The following SERGEF variants were observed in gnomAD, a reference collection of about 807,000 sequenced individuals.
SERGEF encodes the protein secretion regulating guanine nucleotide exchange factor.
In SERGEF, 51 loss-of-function variants were observed where a neutral mutation model predicts 50.0. That is an observed-to-expected ratio of 1.02 (90% CI 0.81 to 1.29). The LOEUF is 1.29. Among genes scored for constraint, SERGEF ranks in the 50% most tolerant of loss-of-function variants. SERGEF has a pLI of 0.00. For missense variants in SERGEF, 521 were observed against 557.0 expected (o/e 0.94, Z 0.65); for synonymous variants, 205 against 212.4 (o/e 0.97, Z 0.30).
chr11:17,788,053 G>C lies in SERGEF; in HGVS notation c.*32C>G. The C allele has an allele frequency of 6.8e-7, 1 of 1,465,852 alleles. No homozygotes were observed. The highest frequency in any genetic ancestry group is 1.8e-4 in the Middle Eastern group (1 of 5,468). The allele number at this position is 1,465,852 out of a possible 1,614,324, so 90.8% of individuals were successfully genotyped here. ...AAACAATTCTCTGGGAAGGCTTTTG[G>C]TGGGAAAAGCCACTTTATTAAAGAT... On this transcript the variant is annotated 3_prime_UTR_variant, in exon 11 of 11. Transcript: ENST00000265965.
At chr11:17,943,013 G>C (rs1299982048) in intron 9 of SERGEF, among the ~76,000 whole-genome samples, 1 of 151,978 alleles carries the variant, frequency 6.6e-6, no homozygotes, top group Admixed American at 6.6e-5. Context: ...TTTTGTTGCA[G>C]ATTTTTGTGT....
intron 10 of SERGEF, among the ~76,000 whole-genome samples, chr11:17,864,609 G>T (rs1487806002): frequency 6.6e-6 from 1 of 152,196 alleles, no homozygotes; most frequent in Non-Finnish European, 1.5e-5. Context: ...GCCCCAAGCG[G>T]CCAGGTGTGG....
chr11:17,995,959 G>A (rs1267268543), intron 5 of SERGEF, 50 bp from the exon 6 acceptor site: 2 of 1,318,486 alleles, frequency 1.5e-6, no homozygotes, highest in African/African-American at 1.4e-5. Flanking sequence ...ATCAGGATAA[G>A]ACTAGATTGC....
At chr11:17,907,947 C>T (rs945374141) in intron 9 of SERGEF, among the ~76,000 whole-genome samples, 2 of 152,194 alleles carry the variant, frequency 1.3e-5, no homozygotes, top group African/African-American at 4.8e-5. Flanking sequence ...AGCTAATCAG[C>T]TACTAGTCCT....
chr11:17,907,730 T>C lies in SERGEF; in HGVS notation c.1012-29486A>G, dbSNP rs532882831. Among the ~76,000 whole-genome samples the C allele has an allele frequency of 6.6e-5, 10 of 152,232 alleles. No homozygotes were observed. The South Asian group carries it at 2.1e-3, about 32-fold the overall frequency. The stretch of plus-strand genomic sequence containing the variant: ...CAAATTGAAAAAATAACCTGGACAT[T>C]AGTCAGACAGATGATAAAGGTAGAG... On this transcript the variant is annotated intron_variant, in intron 9 of 10. Transcript: ENST00000265965.
chr11:17,788,908 C>A (rs902804275), intron 10 of SERGEF, among the ~76,000 whole-genome samples: 3 of 152,222 alleles, frequency 2.0e-5, no homozygotes, highest in African/African-American at 7.2e-5. Flanking sequence ...AACTGCAAAT[C>A]TAATCACGTG....
At chr11:17,901,258 G>A (rs1469387433) in intron 9 of SERGEF, among the ~76,000 whole-genome samples, 5 of 152,102 alleles carry the variant, frequency 3.3e-5, no homozygotes, top group African/African-American at 1.2e-4. Flanking sequence ...ACCTGTACTG[G>A]ACAATGGCAA....
At chr11:17,807,335 C>G (rs867063571) in intron 10 of SERGEF, among the ~76,000 whole-genome samples, 33 of 130,320 alleles carry the variant, frequency 2.5e-4, no homozygotes, top group South Asian at 1.3e-3. Context: ...AACTCCCCCC[C>G]CACAAAAAAA....
intron 9 of SERGEF, among the ~76,000 whole-genome samples, chr11:17,915,093 C>A (rs573365590): frequency 6.6e-6 from 1 of 152,252 alleles, no homozygotes; most frequent in African/African-American, 2.4e-5. Flanking sequence ...TCTCTCATAG[C>A]TTTTTGTATA....
Position 17,884,216 on chromosome 11 carries a change from A to G in SERGEF, c.1012-5972T>C, listed in dbSNP as rs1851388219. 6.6e-6 allele frequency among the ~76,000 whole-genome samples: 1 copy of G among 152,188 alleles called. No individual in the cohort carries two copies. The highest frequency in any genetic ancestry group is 1.5e-5 in the Non-Finnish European group (1 of 68,014). On this transcript the variant is annotated intron_variant, in intron 9 of 10. Transcript: ENST00000265965. This position sits in a 1 kb window ranked among gnomAD's most constrained non-coding sequence, Gnocchi z 4.6. ...ATGGCAACGAGGCGTACGTGCGGAA[A>G]CACATGATGGCCAGGGTGGAAGGGG...
intron 10 of SERGEF, among the ~76,000 whole-genome samples, chr11:17,831,898 G>A (rs1303230454): frequency 6.6e-6 from 1 of 152,126 alleles, no homozygotes; most frequent in African/African-American, 2.4e-5. Flanking sequence ...CATCTGAACT[G>A]TAAAAACATC....
intron 10 of SERGEF, among the ~76,000 whole-genome samples, chr11:17,797,921 C>G (rs1293061227): frequency 6.6e-6 from 1 of 152,182 alleles, no homozygotes; most frequent in African/African-American, 2.4e-5. Context: ...CCTGAGCCCC[C>G]AGGACAGTCC....
intron 10 of SERGEF, among the ~76,000 whole-genome samples, chr11:17,844,807 G>A (rs1850573211): frequency 6.6e-6 from 1 of 151,890 alleles, no homozygotes; most frequent in Admixed American, 6.5e-5. Context: ...GAGGCTCTAC[G>A]CCAGAGGTGT....
chr11:17,847,135 C>T (rs1850629519), intron 10 of SERGEF, among the ~76,000 whole-genome samples: 2 of 152,256 alleles, frequency 1.3e-5, no homozygotes, highest in Non-Finnish European at 2.9e-5. Context: ...CTAAAAATAG[C>T]TCTTCTTAGG....
At chr11:17,794,837 T>C (rs1849547361) in intron 10 of SERGEF, among the ~76,000 whole-genome samples, 2 of 152,130 alleles carry the variant, frequency 1.3e-5, no homozygotes, top group Admixed American at 6.5e-5. Context: ...TAAGAAAAGG[T>C]ACAGAGTAAC....
chr11:17,814,913 G>T (rs923541884), intron 10 of SERGEF, among the ~76,000 whole-genome samples: 2 of 152,202 alleles, frequency 1.3e-5, no homozygotes. Flanking sequence ...GGCTAGGTGC[G>T]CTCAGGCCTA....
At chr11:17,900,975 C>T (rs544773514) in intron 9 of SERGEF, among the ~76,000 whole-genome samples, 4 of 152,266 alleles carry the variant, frequency 2.6e-5, no homozygotes, top group African/African-American at 9.6e-5. Flanking sequence ...GGCAATTCAC[C>T]TGCACCTAAA....
chr11:17,836,748 G>A (rs1850406760), intron 10 of SERGEF, among the ~76,000 whole-genome samples: 1 of 152,134 alleles, frequency 6.6e-6, no homozygotes, highest in African/African-American at 2.4e-5. Context: ...CTTCTGAGGT[G>A]CAGTTTCTCT....
chr11:17,928,891 C>A (rs2133945833), intron 9 of SERGEF, among the ~76,000 whole-genome samples: 1 of 152,264 alleles, frequency 6.6e-6, no homozygotes. Flanking sequence ...GCTACTCTTA[C>A]CAGAATTTCC....
Sources: allele counts gnomAD v4.1 joint callset (sites outside exome capture counted in the v4.1 genomes callset), GRCh38; gene constraint gnomAD v4.1.1; non-coding constraint Gnocchi (gnomAD v3.1); transcripts MANE v1.5; gene names NCBI Gene and HGNC (gene_info 2026-07-23, HGNC 2026-07-21).